Variants in BBS4 observed in about 807,000 individuals in gnomAD.
BBS4 encodes the protein BBSome complex member BBS4.
Under a neutral mutation model 71.4 loss-of-function variants are expected in BBS4, and 58 were observed. The ratio of observed to expected loss-of-function variants is 0.81; its 90% confidence interval spans 0.66 to 1.01. The LOEUF is 1.01. Ranked by LOEUF, BBS4 falls within the 50% of genes least tolerant of loss-of-function variation. The pLI is 0.00. For missense variants in BBS4, 660 were observed against 607.9 expected (o/e 1.09, Z -0.90); for synonymous variants, 228 against 216.8 (o/e 1.05, Z -0.46).
At chr15:72,732,590 A>T (rs1309207145) in intron 12 of BBS4, among the ~76,000 whole-genome samples, 1 of 152,190 alleles carries the variant, frequency 6.6e-6, no homozygotes, top group Non-Finnish European at 1.5e-5. Context: ...TGCAAAAGCA[A>T]TTGTGGTTAT....
At chr15:72,727,908 CTT>C (rs772484472) in intron 8 of BBS4, 30 bp from the exon 9 acceptor site, 3 of 1,560,308 alleles carry the variant, frequency 1.9e-6, no homozygotes, top group African/African-American at 2.7e-5. Flanking sequence ...TCATCTACAT[CTT>C]GTTTCCCTCT....
chr15:72,726,766 G>A (rs1301868016), intron 8 of BBS4, among the ~76,000 whole-genome samples: 1 of 152,178 alleles, frequency 6.6e-6, no homozygotes, highest in Non-Finnish European at 1.5e-5. Flanking sequence ...TGCCTCTGTG[G>A]TGCTAGGTAG....
At chr15:72,706,854 A>AT (rs1319814160) in intron 2 of BBS4, among the ~76,000 whole-genome samples, 1 of 152,024 alleles carries the variant, frequency 6.6e-6, no homozygotes, top group Non-Finnish European at 1.5e-5. Flanking sequence ...AAAAAATTAA[A>AT]TTTTTTGTTG....
chr15:72,726,087 TTTTCTTCCTTTC>T (rs1348515633), intron 8 of BBS4, among the ~76,000 whole-genome samples: 1 of 148,556 alleles, frequency 6.7e-6, no homozygotes, highest in Non-Finnish European at 1.5e-5. Flanking sequence ...TGTTTCTTTC[TTTTCTTCCTTTC>T]TTCCTTCCTT....
At chr15:72,714,350 CT>C (rs1166503225) in intron 4 of BBS4, among the ~76,000 whole-genome samples, 2 of 151,896 alleles carry the variant, frequency 1.3e-5, no homozygotes, top group African/African-American at 2.4e-5. Flanking sequence ...CTCAGCCCCC[CT>C]ATTAGCTGGG....
At chr15:72,693,888 CTTCT>C (rs2065028863) in intron 1 of BBS4, among the ~76,000 whole-genome samples, 1 of 151,682 alleles carries the variant, frequency 6.6e-6, no homozygotes, top group South Asian at 2.1e-4. Flanking sequence ...TCTTTTTCTT[CTTCT>C]TTTTTTTTTG....
chr15:72,735,111 A>C lies in BBS4; in HGVS notation c.1037-2A>C. 1 of 1,612,512 alleles carries C rather than the reference A, an allele frequency of 6.2e-7. No homozygotes were observed. The highest frequency in any genetic ancestry group is 8.5e-7 in the Non-Finnish European group (1 of 1,178,600). The stretch of plus-strand genomic sequence containing the variant: ...CCAGCTGCAGTGCTTTCTTTGTTGC[A>C]GTGGCTCTGACCAATCTGGAAGATA... On this transcript the variant is annotated splice_acceptor_variant, in intron 12 of 15. Transcript: ENST00000268057. LOFTEE classifies it high-confidence loss of function.
At chr15:72,717,498 T>G (rs1257393978) in intron 6 of BBS4, 6 of 152,320 alleles carry the variant, frequency 3.9e-5, no homozygotes, top group Non-Finnish European at 5.9e-5. Context: ...CAGCATCATA[T>G]CTGCATTCTA....
intron 2 of BBS4, among the ~76,000 whole-genome samples, chr15:72,696,899 T>A (rs980604879): frequency 1.3e-5 from 2 of 151,768 alleles, no homozygotes; most frequent in African/African-American, 2.4e-5. Context: ...GTTATGTAAA[T>A]TTTTCAGTGG....
At chr15:72,736,443 T>C (rs960077098) in intron 14 of BBS4, among the ~76,000 whole-genome samples, 1 of 152,116 alleles carries the variant, frequency 6.6e-6, no homozygotes, top group Non-Finnish European at 1.5e-5. Flanking sequence ...GGTTTCACCA[T>C]GTTGGCCAGG....
intron 9 of BBS4, 77 bp from the exon 10 acceptor site, chr15:72,729,539 C>A: frequency 7.2e-7 from 1 of 1,388,262 alleles, no homozygotes; most frequent in Non-Finnish European, 1.0e-6. Flanking sequence ...CATTAGCCAC[C>A]ACGCCTGGTC....
chr15:72,736,469 T>C (rs908011227), intron 14 of BBS4, among the ~76,000 whole-genome samples: 1 of 152,144 alleles, frequency 6.6e-6, no homozygotes, highest in Non-Finnish European at 1.5e-5. Context: ...CTTGATCTCT[T>C]GACCTCGTGA....
chr15:72,715,118 G>A (rs1166448653), intron 4 of BBS4, among the ~76,000 whole-genome samples, 173 bp from the exon 5 acceptor site: 1 of 152,146 alleles, frequency 6.6e-6, no homozygotes, highest in Non-Finnish European at 1.5e-5. Flanking sequence ...AGCAGTTTTG[G>A]TTGTTGTTTC....
intron 3 of BBS4, among the ~76,000 whole-genome samples, chr15:72,710,319 G>C (rs1289338800): frequency 6.9e-6 from 1 of 145,444 alleles, no homozygotes; most frequent in Non-Finnish European, 1.5e-5. Flanking sequence ...TTCTGCCTCA[G>C]CCTCCCCAGT....
chr15:72,705,099 T>C (rs1269480994), intron 2 of BBS4, among the ~76,000 whole-genome samples: 1 of 152,208 alleles, frequency 6.6e-6, no homozygotes, highest in Admixed American at 6.5e-5. Flanking sequence ...TCTTTCCTGC[T>C]TTATTTTTCT....
chr15:72,703,953 G>C (rs1567406081), intron 2 of BBS4, among the ~76,000 whole-genome samples: 1 of 152,152 alleles, frequency 6.6e-6, no homozygotes, highest in Non-Finnish European at 1.5e-5. Context: ...TTAGCACCTA[G>C]GGCAAACTAC....
In BBS4 at chr15:72,736,837, G is replaced by T. The variant is rs960944955; in HGVS notation, c.1324G>T (p.Asp442Tyr). ...ACTGGTCTGGACCAAACCAGTTAAA[G>T]ATCCCAAATCAAAGCACCAGACCAC... ...EALVWTKPVK[D>Y]PKSKHQTTST... The change falls in exon 15 of 16, where the codon GAT (aspartate) becomes TAT (tyrosine). Residue 442 changes from aspartate to tyrosine, a missense_variant. Transcript: ENST00000268057. 1.9e-6 allele frequency: 3 copies of T among 1,614,062 alleles called. No homozygotes were observed. In the East Asian group the frequency reaches 6.7e-5, roughly 36 times the overall value.
chr15:72,734,809 G>A (rs189361668), intron 12 of BBS4, among the ~76,000 whole-genome samples: 13 of 152,286 alleles, frequency 8.5e-5, no homozygotes, highest in Admixed American at 1.3e-4. Flanking sequence ...ACCTGGCAGC[G>A]CTGTGGAAGG....
At chr15:72,727,139 T>C (rs1333416596) in intron 8 of BBS4, among the ~76,000 whole-genome samples, 1 of 152,242 alleles carries the variant, frequency 6.6e-6, no homozygotes, top group Non-Finnish European at 1.5e-5. Flanking sequence ...AGGCCTCCCC[T>C]GGCTGGGGCT....
Sources: gnomAD v4.1 joint callset for allele counts (sites outside exome capture counted in the v4.1 genomes callset) on GRCh38, gnomAD v4.1.1 for gene constraint, MANE v1.5 for transcripts, NCBI Gene and HGNC (gene_info 2026-07-23, HGNC 2026-07-21) for gene names.